Variants in ANKRD45 observed in about 807,000 individuals in gnomAD.
The protein encoded by ANKRD45 is ankyrin repeat domain-containing protein 45.
In ANKRD45, 21 loss-of-function variants were observed where a neutral mutation model predicts 28.1. The observed-to-expected ratio is 0.75, with a 90% CI of 0.53 to 1.08. The LOEUF is 1.08. Among genes scored for constraint, ANKRD45 ranks in the 50% least tolerant of loss-of-function variants. ANKRD45 has a pLI of 0.00. For synonymous variants in ANKRD45, 86 were observed against 103.9 expected, an observed-to-expected ratio of 0.83 and a Z score of 1.05; for missense variants, 261 against 308.7, an observed-to-expected ratio of 0.85 and a Z score of 1.16.
chr1:173,677,665 G>A, the ANKRD45 span, among the ~76,000 whole-genome samples: 14 of 152,246 alleles, frequency 9.2e-5, no homozygotes, highest in East Asian at 2.7e-3. Flanking sequence ...TTAAGACTTA[G>A]CAGGGCTTTG....
chr1:173,614,867 A>G (rs1390273926), intron 5 of ANKRD45, among the ~76,000 whole-genome samples: 2 of 151,836 alleles, frequency 1.3e-5, no homozygotes, highest in Non-Finnish European at 2.9e-5. Context: ...CCCAGGCTGG[A>G]CTGCAGGGGC....
the ANKRD45 span, among the ~76,000 whole-genome samples, chr1:173,681,685 T>A: frequency 6.6e-6 from 1 of 151,980 alleles, no homozygotes; most frequent in Non-Finnish European, 1.5e-5. Context: ...GAAATAAAGG[T>A]GAAAATCAAA....
chr1:173,643,298 C>T (rs1048802419), intron 3 of ANKRD45, among the ~76,000 whole-genome samples: 3 of 151,460 alleles, frequency 2.0e-5, no homozygotes, highest in Non-Finnish European at 4.4e-5. Context: ...CTCAGCCTCC[C>T]GAGTAGTTAG....
the ANKRD45 span, among the ~76,000 whole-genome samples, chr1:173,680,662 T>A: frequency 6.6e-6 from 1 of 151,670 alleles, no homozygotes; most frequent in Non-Finnish European, 1.5e-5. Context: ...TAAAGGCACA[T>A]GCATATGTAT....
chr1:173,667,800 C>T (rs781171648), intron 1 of ANKRD45: 17 of 396,406 alleles, frequency 4.3e-5, no homozygotes, highest in Non-Finnish European at 7.8e-5. Context: ...TATTAAAATA[C>T]TCTTCCCTTT....
chr1:173,702,249 G>C, the ANKRD45 span, among the ~76,000 whole-genome samples: 1 of 152,176 alleles, frequency 6.6e-6, no homozygotes, highest in Non-Finnish European at 1.5e-5. Flanking sequence ...AGAAGATTTT[G>C]AAGATCAGGG....
intron 1 of ANKRD45, among the ~76,000 whole-genome samples, chr1:173,666,946 G>A (rs1670048714): frequency 6.6e-6 from 1 of 151,950 alleles, no homozygotes; most frequent in East Asian, 1.9e-4. Flanking sequence ...AGAGACAGGG[G>A]GTCTGGCTAT....
chr1:173,661,451 T>C (rs1206359249), intron 1 of ANKRD45, among the ~76,000 whole-genome samples: 1 of 152,152 alleles, frequency 6.6e-6, no homozygotes, highest in Non-Finnish European at 1.5e-5. Context: ...AAGTCTGCTC[T>C]TAAAAAGAGG....
At chr1:173,611,320 T>A (rs1667138529) in intron 5 of ANKRD45, among the ~76,000 whole-genome samples, 1 of 152,212 alleles carries the variant, frequency 6.6e-6, no homozygotes, top group Non-Finnish European at 1.5e-5. Flanking sequence ...ACTTAGATTA[T>A]CTTTTCAGGT....
chr1:173,677,880 A>G, the ANKRD45 span, among the ~76,000 whole-genome samples: 1 of 152,346 alleles, frequency 6.6e-6, no homozygotes, highest in East Asian at 1.9e-4. Flanking sequence ...GCCAGTTACC[A>G]AAAGGCAAAA....
chr1:173,713,832 G>A, the ANKRD45 span, among the ~76,000 whole-genome samples: 1 of 152,054 alleles, frequency 6.6e-6, no homozygotes, highest in African/African-American at 2.4e-5. Flanking sequence ...AAATGCTCCA[G>A]GAGGCCGATT....
the ANKRD45 span, among the ~76,000 whole-genome samples, chr1:173,695,046 A>C: frequency 1.3e-5 from 2 of 152,072 alleles, no homozygotes; most frequent in African/African-American, 4.8e-5. Flanking sequence ...TTTTATTGTC[A>C]TTTTCAGTTC....
rs761682461 is a variant in ANKRD45, at chr1:173,609,380, C to A, written c.*765G>T. Among the ~76,000 whole-genome samples, 1 of 152,060 alleles carries A rather than the reference C, an allele frequency of 6.6e-6. No individual in the cohort carries two copies. The highest frequency in any genetic ancestry group is 1.5e-5 in the Non-Finnish European group (1 of 68,006). Reference sequence around the variant, plus strand: ...ATAAAACTTTTCCATAAAGTCACAACGTAAGAGAAGGTTGAGGCGCCTGAT... The same window carrying A: ...ATAAAACTTTTCCATAAAGTCACAAAGTAAGAGAAGGTTGAGGCGCCTGAT... On this transcript the variant is annotated 3_prime_UTR_variant, in exon 6 of 6. Coordinates refer to ENST00000333279, the MANE Select transcript of ANKRD45 (RefSeq NM_198493.3).
chr1:173,670,803 G>C (rs892305822), upstream of ANKRD45, among the ~76,000 whole-genome samples: 1 of 152,192 alleles, frequency 6.6e-6, no homozygotes, highest in African/African-American at 2.4e-5. Context: ...ATCTGAAACT[G>C]GTTATCAGCA....
At chr1:173,687,751 A>G in the ANKRD45 span, among the ~76,000 whole-genome samples, 1 of 152,188 alleles carries the variant, frequency 6.6e-6, no homozygotes, top group East Asian at 1.9e-4. Flanking sequence ...CGCACATTTG[A>G]GCAGACCAAT....
At chr1:173,706,490 G>A in the ANKRD45 span, among the ~76,000 whole-genome samples, 578 of 151,142 alleles carry the variant, frequency 3.8e-3, 5 homozygotes, top group African/African-American at 0.014. Flanking sequence ...AGGTGCCCAC[G>A]ACCATGCATG....
At chr1:173,663,287 G>A (rs1357277182) in intron 1 of ANKRD45, among the ~76,000 whole-genome samples, 1 of 152,114 alleles carries the variant, frequency 6.6e-6, no homozygotes, top group Non-Finnish European at 1.5e-5. Context: ...AGGGACACAA[G>A]GAAATGAGGC....
rs1480408931 is a variant in ANKRD45 at position 173,610,023 on chromosome 1, C to T, written c.*122G>A. The T allele has an allele frequency of 1.4e-5, 14 of 994,492 alleles. No individual in the cohort carries two copies. Among genetic ancestry groups the T allele is most frequent in the South Asian group, 4.5e-5 (3 of 66,220 alleles). 61.6% of individuals were successfully genotyped at this position (994,492 alleles called of 1,614,324 possible). ...CTGAACAGGTCAAACAAAACAAGGG[C>T]GATGTAATGTTGTACTTAAATACTT... On this transcript the variant is annotated 3_prime_UTR_variant, in exon 6 of 6. Transcript: ENST00000333279.
rs554915186 is a variant in ANKRD45 at position 173,638,614 on chromosome 1, C to T, written c.496+8232G>A. ...TTTCGAGTAAGACAGGGAAGATAAA[C>T]ACCTGTGGCTACAGCAATATTAGTT... is the stretch of plus-strand genomic sequence containing the variant. On this transcript the variant is annotated intron_variant, in intron 3 of 5. Coordinates refer to ENST00000333279, the MANE Select transcript of ANKRD45 (RefSeq NM_198493.3). Among the ~76,000 whole-genome samples, 6 of 152,260 alleles carry T rather than the reference C, an allele frequency of 3.9e-5. No individual in the cohort carries two copies. In the South Asian group the frequency reaches 6.3e-4, roughly 16 times the overall value.
Sources: gnomAD v4.1 joint callset for allele counts (sites outside exome capture counted in the v4.1 genomes callset) on GRCh38, gnomAD v4.1.1 for gene constraint, MANE v1.5 for transcripts, NCBI Gene and HGNC (gene_info 2026-07-23, HGNC 2026-07-21) for gene names.